Variants in SECISBP2L observed in about 807,000 individuals in gnomAD.
SECISBP2L encodes selenocysteine insertion sequence-binding protein 2-like.
In SECISBP2L, 43 loss-of-function variants were observed where a neutral mutation model predicts 114.7. The ratio of observed to expected loss-of-function variants is 0.38; its 90% CI spans 0.29 to 0.48. The LOEUF is 0.48. Ranked by LOEUF, SECISBP2L falls within the 20% of genes least tolerant of loss-of-function variation. The probability of loss-of-function intolerance (pLI) is 0.98; values close to 1 mark genes in which losing one functional copy is unlikely to be tolerated. For missense variants in SECISBP2L, 1,136 were observed against 1,301.1 expected (o/e 0.87, Z 1.95); for synonymous variants, 451 against 439.7 (o/e 1.03, Z -0.32).
rs369096589 is a variant in SECISBP2L, at chr15:49,012,780, A to G, written c.1599T>C (p.Thr533=). 5 of 1,613,812 alleles carry G rather than the reference A, an allele frequency of 3.1e-6. No individual in the cohort carries two copies. The highest frequency in any genetic ancestry group is 4.2e-6 in the Non-Finnish European group (5 of 1,179,904). ...TAASFHTKDS[T]NRKPLTKSQP... is the part of the protein sequence containing the mutation. ...GACTTTTGGTTAAAGGTTTTCTATT[A>G]GTAGAGTCTTTAGTGTGAAAAGAAG... The change falls in exon 12 of 18, where the codon ACT becomes ACC. Residue 533 remains threonine, a synonymous_variant. Transcript: ENST00000559471.
Position 48,990,089 on chromosome 15 carries a change from T to C in SECISBP2L, c.*2155A>G, listed in dbSNP as rs543165058. 3 of 152,752 alleles carry C rather than the reference T, an allele frequency of 2.0e-5. No individual in the cohort carries two copies. Among genetic ancestry groups the C allele is most frequent in the Non-Finnish European group, 2.9e-5 (2 of 68,018 alleles). The allele number at this position is 152,752 out of a possible 1,614,324, so 9.5% of individuals were successfully genotyped here. A position where few individuals can be genotyped will look rare whatever the true frequency, so the allele number is the denominator to read the frequency against. ...TATAAATAAACACTTCTGAAGTCTA[T>C]AGCAAAACTAAAAGTTACCAGTGTT... On this transcript the variant is annotated 3_prime_UTR_variant, in exon 18 of 18. Coordinates refer to ENST00000559471, the MANE Select transcript of SECISBP2L (RefSeq NM_001193489.2).
chr15:49,035,725 TCTTAA>T (rs1902992961), intron 2 of SECISBP2L, 67 bp from the exon 3 acceptor site: 1 of 1,412,018 alleles, frequency 7.1e-7, no homozygotes, highest in Non-Finnish European at 9.6e-7. Flanking sequence ...AAGCAAAATC[TCTTAA>T]CTTACACTAA....
In SECISBP2L at chr15:48,996,427, C is replaced by G; in HGVS notation, c.2563G>C (p.Ala855Pro). The change falls in exon 17 of 18, where the codon GCC (alanine) becomes CCC (proline). Residue 855 changes from alanine to proline, a missense_variant. By Grantham distance (27) the Ala-to-Pro change is conservative. Around this residue, in one of 2 missense-constraint regions of SECISBP2L, gnomAD observed 684 missense variants for 848.7 expected, o/e 0.81. Transcript: ENST00000559471. Reference sequence around the variant, plus strand: ...GAAATAACACTGCAGAAAGAAATGGCACTTGCTGCAGAGGGATTCCGAGAA... The same window carrying G: ...GAAATAACACTGCAGAAAGAAATGGGACTTGCTGCAGAGGGATTCCGAGAA... ...GHSRNPSAAS[A>P]ISFCSVISEP... 6.2e-7 allele frequency: 1 copy of G among 1,614,070 alleles called. No homozygotes were observed. The highest frequency in any genetic ancestry group is 8.5e-7 in the Non-Finnish European group (1 of 1,179,998).
chr15:49,040,587 G>C (rs1409820220), intron 1 of SECISBP2L, among the ~76,000 whole-genome samples: 3 of 136,468 alleles, frequency 2.2e-5, no homozygotes, highest in Non-Finnish European at 4.6e-5. Flanking sequence ...CCAGGCGGGA[G>C]TGCAGTGGCG....
intron 13 of SECISBP2L, 38 bp from the exon 14 acceptor site, chr15:49,009,416 C>T (rs761072344): frequency 1.3e-6 from 2 of 1,585,658 alleles, no homozygotes; most frequent in African/African-American, 1.4e-5. Flanking sequence ...AATTTAGAAA[C>T]TTCAAATGCT....
In SECISBP2L at chr15:48,989,149, C is replaced by T. The variant is rs1337476323; in HGVS notation, c.*3095G>A. Reference sequence around the variant, plus strand: ...AGGGTGTTTTTTTTTTTTAAGCAAACAGCAGCTTTACAAACAGTAATACTT... The same window carrying T: ...AGGGTGTTTTTTTTTTTTAAGCAAATAGCAGCTTTACAAACAGTAATACTT... On this transcript the variant is annotated 3_prime_UTR_variant, in exon 18 of 18. Coordinates refer to ENST00000559471, the MANE Select transcript of SECISBP2L (RefSeq NM_001193489.2). 1 of 149,030 alleles carries T rather than the reference C, an allele frequency of 6.7e-6. No homozygotes were observed. Among genetic ancestry groups the T allele is most frequent in the Non-Finnish European group, 1.5e-5 (1 of 67,338 alleles). The allele number at this position is 149,030 out of a possible 1,614,324, so 9.2% of individuals were successfully genotyped here. A position where few individuals can be genotyped will look rare whatever the true frequency, so the allele number is the denominator to read the frequency against.
At chr15:49,044,797 C>T (rs1903209307) in intron 1 of SECISBP2L, among the ~76,000 whole-genome samples, 1 of 152,134 alleles carries the variant, frequency 6.6e-6, no homozygotes, top group African/African-American at 2.4e-5. Flanking sequence ...CTAAAAATTA[C>T]CATCTAAATA....
chr15:48,993,153 G>T (rs1180908305), intron 17 of SECISBP2L, among the ~76,000 whole-genome samples: 6 of 149,712 alleles, frequency 4.0e-5, no homozygotes, highest in Admixed American at 1.3e-4. Flanking sequence ...TTCAGATGGG[G>T]TCTTGCTCTT....
At chr15:49,000,610 GA>G (rs774453321) in intron 15 of SECISBP2L, among the ~76,000 whole-genome samples, 29 of 152,212 alleles carry the variant, frequency 1.9e-4, no homozygotes, top group Non-Finnish European at 3.2e-4. Flanking sequence ...ATTCTGGCTA[GA>G]CCTCCATCTG....
At chr15:49,036,206 G>A (rs537589115) in intron 2 of SECISBP2L, among the ~76,000 whole-genome samples, 4 of 152,276 alleles carry the variant, frequency 2.6e-5, no homozygotes, top group African/African-American at 9.6e-5. Flanking sequence ...GGCAATAGAA[G>A]CAGGCTCTGG....
chr15:49,036,907 A>C (rs1053635361), intron 2 of SECISBP2L, among the ~76,000 whole-genome samples: 5 of 152,234 alleles, frequency 3.3e-5, no homozygotes, highest in Non-Finnish European at 2.9e-5. Context: ...ATCCATTTAC[A>C]GTCCTAGAAA....
chr15:49,032,249 A>G (rs1022750593), intron 4 of SECISBP2L, among the ~76,000 whole-genome samples: 3 of 152,232 alleles, frequency 2.0e-5, no homozygotes, highest in Non-Finnish European at 4.4e-5. Context: ...GATCACAAAC[A>G]AAGATTTTTT....
At position 49,037,594 on chromosome 15, in the gene SECISBP2L, T is replaced by C. The variant is rs1331391286; in HGVS notation, c.200A>G (p.Asn67Ser). The change falls in exon 2 of 18, where the codon AAT becomes AGT. Residue 67 changes from asparagine (N) to serine (S), a missense_variant. Physicochemically the swap from Asn to Ser is conservative, Grantham distance 46. This residue lies in a region of SECISBP2L where 452 missense variants were observed against 452.3 expected (regional missense o/e 1.00). Transcript: ENST00000559471. ...AAAATAAAAATAAACAAATTACCTA[T>C]TGGACTGGTTTTCCTGCACAAATGG... The part of the protein sequence containing the change: ...CYPFVQENQS[N>S]RQFPLYNNDI... 2 of 1,612,664 alleles carry C rather than the reference T, an allele frequency of 1.2e-6. No homozygotes were observed. The highest frequency in any genetic ancestry group is 1.3e-5 in the African/African-American group (1 of 74,880).
At chr15:48,995,568 A>G (rs569696558) in intron 17 of SECISBP2L, among the ~76,000 whole-genome samples, 1 of 152,226 alleles carries the variant, frequency 6.6e-6, no homozygotes, top group African/African-American at 2.4e-5. Flanking sequence ...AAGAACGAAC[A>G]AAGAGCCAAA....
At chr15:49,012,540 A>G (rs1663285546) in intron 12 of SECISBP2L, 108 bp downstream of exon 12, 2 of 1,109,612 alleles carry the variant, frequency 1.8e-6, no homozygotes, top group African/African-American at 3.2e-5. Context: ...GTGTATGAAT[A>G]CTTCTCACAA....
At chr15:49,027,031 A>C (rs1902757656) in intron 7 of SECISBP2L, among the ~76,000 whole-genome samples, 1 of 152,256 alleles carries the variant, frequency 6.6e-6, no homozygotes, top group Non-Finnish European at 1.5e-5. Flanking sequence ...CCTTAAGATC[A>C]AAGAATCAAT....
In SECISBP2L at chr15:49,013,773, TC is replaced by T. The variant is rs1432649952; in HGVS notation, c.1562-957del. ...ACCACCTGAAAGGAGGTGGCAGACA[TC>T]CTTACTCCTGTCCAAGGCTCACCAA... On this transcript the variant is annotated intron_variant, in intron 11 of 17. Coordinates refer to ENST00000559471, the MANE Select transcript of SECISBP2L (RefSeq NM_001193489.2). Among the ~76,000 whole-genome samples the T allele has an allele frequency of 2.6e-5, 4 of 152,268 alleles. No individual in the cohort carries two copies. The East Asian group carries it at 7.7e-4, about 29-fold the overall frequency.
intron 16 of SECISBP2L, among the ~76,000 whole-genome samples, chr15:48,999,318 TATCAGCTCCTATGATAAAGATC>T (rs144339404): frequency 0.26 from 26,206 of 100,032 alleles, 3,759 homozygotes; most frequent in African/African-American, 0.44. Flanking sequence ...ACCATTACAT[TATCAGCTCCTATGATAAAGATC>T]TATATTAGCA....
chr15:49,001,029 C>CGTCA lies in SECISBP2L; in HGVS notation c.2095_2096insTGAC (p.Ser699MetfsTer47). 2 of 1,613,760 alleles carry CGTCA rather than the reference C, an allele frequency of 1.2e-6. No individual in the cohort carries two copies. The highest frequency in any genetic ancestry group is 1.7e-6 in the Non-Finnish European group (2 of 1,179,858). The stretch of plus-strand genomic sequence containing the variant: ...TTTTTGGTAGATGCGTTCCTGGAAA[C>CGTCA]TGACAAGCTCTTGGAGAAGAAGAGT... On this transcript the variant is annotated frameshift_variant, in exon 15 of 18. Coordinates refer to ENST00000559471, the MANE Select transcript of SECISBP2L (RefSeq NM_001193489.2). LOFTEE classifies it high-confidence loss of function.
Sources: gnomAD v4.1 joint callset for allele counts (sites outside exome capture counted in the v4.1 genomes callset) on GRCh38, gnomAD v4.1.1 for gene constraint, gnomAD v4.1.1 regional missense constraint, MANE v1.5 for transcripts, NCBI Gene and HGNC (gene_info 2026-07-23, HGNC 2026-07-21) for gene names.